ADAMTS18: variants seen among roughly 807,000 people sequenced by gnomAD.
ADAMTS18 encodes the protein A disintegrin and metalloproteinase with thrombospondin motifs 18.
A neutral mutation model predicts 165.9 loss-of-function variants in ADAMTS18; 157 were observed. That is an observed-to-expected ratio of 0.95 (90% confidence interval 0.83 to 1.08). The LOEUF (loss-of-function observed/expected upper bound fraction) is 1.08, where lower values mean the gene tolerates loss of function less well. ADAMTS18 is among the 50% of genes least tolerant of loss of function. The probability of loss-of-function intolerance (pLI) is 0.00; values close to 1 mark genes in which losing one functional copy is unlikely to be tolerated. For missense variants in ADAMTS18, 2,040 were observed against 1,534.0 expected, an observed-to-expected ratio of 1.33 and a Z score of -5.51; for synonymous variants, 782 against 578.2, an observed-to-expected ratio of 1.35 and a Z score of -5.06.
chr16:77,322,532 C>G, intron 13 of ADAMTS18, 66 bp from the exon 14 acceptor site: 2 of 1,566,524 alleles, frequency 1.3e-6, no homozygotes, highest in East Asian at 2.2e-5. Context: ...ATAGGATTGT[C>G]AAAAGAATGA....
intron 10 of ADAMTS18, among the ~76,000 whole-genome samples, chr16:77,348,869 TAAC>T (rs1045526752): frequency 1.1e-4 from 16 of 152,254 alleles, no homozygotes; most frequent in African/African-American, 3.9e-4. Context: ...ATTGAATCTT[TAAC>T]AACAATAAAA....
At chr16:77,377,163 A>C (rs1319642223) in intron 3 of ADAMTS18, among the ~76,000 whole-genome samples, 4 of 152,212 alleles carry the variant, frequency 2.6e-5, no homozygotes, top group Admixed American at 6.5e-5. Context: ...TATAAATCAC[A>C]CTTTATGAAT....
intron 22 of ADAMTS18, 117 bp downstream of exon 22, chr16:77,289,147 G>T (rs368893066): frequency 2.3e-6 from 3 of 1,330,570 alleles, no homozygotes; most frequent in Non-Finnish European, 3.2e-6. Context: ...CATAGACTTC[G>T]GGTGAATGGC....
intron 3 of ADAMTS18, among the ~76,000 whole-genome samples, chr16:77,372,369 G>C (rs1332565634): frequency 2.6e-5 from 4 of 152,218 alleles, no homozygotes; most frequent in Non-Finnish European, 5.9e-5. Flanking sequence ...ATCAGTCTAA[G>C]TGTCTGTCAA....
intron 9 of ADAMTS18, among the ~76,000 whole-genome samples, chr16:77,354,603 G>C (rs1245420013): frequency 6.6e-6 from 1 of 151,488 alleles, no homozygotes; most frequent in Non-Finnish European, 1.5e-5. Flanking sequence ...TAATTTTGTA[G>C]TGAGACAGAT....
intron 21 of ADAMTS18, among the ~76,000 whole-genome samples, chr16:77,289,976 A>C (rs191766859): frequency 2.0e-5 from 3 of 152,342 alleles, no homozygotes; most frequent in Non-Finnish European, 4.4e-5. Flanking sequence ...TTTCTTCCAG[A>C]CAGCCATATG....
chr16:77,385,019 C>T (rs987177345), intron 3 of ADAMTS18, among the ~76,000 whole-genome samples: 5 of 151,976 alleles, frequency 3.3e-5, no homozygotes, highest in Non-Finnish European at 7.4e-5. Flanking sequence ...AAGCATTCTC[C>T]TGCCTCAGCC....
intron 10 of ADAMTS18, among the ~76,000 whole-genome samples, chr16:77,346,602 A>T (rs1276453644): frequency 6.6e-6 from 1 of 152,172 alleles, no homozygotes; most frequent in African/African-American, 2.4e-5. Context: ...TCTCCTCAAC[A>T]TGCTCATGAG....
At chr16:77,400,478 G>GTC (rs1567541748) in intron 3 of ADAMTS18, among the ~76,000 whole-genome samples, 2 of 119,808 alleles carry the variant, frequency 1.7e-5, no homozygotes, top group Non-Finnish European at 3.8e-5. Context: ...GTGTGTGTGT[G>GTC]TGTTTTGTTT....
chr16:77,289,232 G>A, intron 22 of ADAMTS18, 32 bp downstream of exon 22: 2 of 1,613,526 alleles, frequency 1.2e-6, no homozygotes, highest in Middle Eastern at 1.7e-4. Flanking sequence ...CTAAAGACTA[G>A]TAAAGTTGAC....
rs143290988 is a variant in ADAMTS18, at chr16:77,285,242, G to A, written c.3551-1171C>T. Among the ~76,000 whole-genome samples, 232 of 152,186 alleles carry A rather than the reference G, an allele frequency of 1.5e-3. 4 individuals are homozygous for A. The highest frequency in any genetic ancestry group is 5.2e-3 in the African/African-American group (217 of 41,530). On this transcript the variant is annotated intron_variant, in intron 22 of 22. Coordinates refer to ENST00000282849, the MANE Select transcript of ADAMTS18 (RefSeq NM_199355.4). ...GGCTGGAGTGCAATGGTATAATCTC[G>A]GCTCACTGCATCCTCCGCCTCATGT...
intron 13 of ADAMTS18, among the ~76,000 whole-genome samples, chr16:77,323,841 T>C (rs1380557311): frequency 1.3e-5 from 2 of 152,212 alleles, no homozygotes; most frequent in Non-Finnish European, 1.5e-5. Context: ...AGGGAGTCTA[T>C]GTTTGATTCA....
intron 3 of ADAMTS18, among the ~76,000 whole-genome samples, chr16:77,417,550 T>C (rs2057546475): frequency 6.6e-6 from 1 of 152,228 alleles, no homozygotes; most frequent in Admixed American, 6.5e-5. Flanking sequence ...TTAGGTCAGC[T>C]GGTGAGTCTA....
chr16:77,294,578 C>T (rs62044011), intron 19 of ADAMTS18, among the ~76,000 whole-genome samples: 10,629 of 152,220 alleles, frequency 0.07, 527 homozygotes, highest in East Asian at 0.18. Flanking sequence ...AATATCTCTT[C>T]GATGCTTCAT....
At chr16:77,367,164 T>C (rs759003386) in intron 4 of ADAMTS18, among the ~76,000 whole-genome samples, 1 of 152,176 alleles carries the variant, frequency 6.6e-6, no homozygotes, top group Non-Finnish European at 1.5e-5. Context: ...TCTAGGTACT[T>C]TTCTCGGAAG....
chr16:77,367,783 G>T (rs1377611555), intron 3 of ADAMTS18, 60 bp from the exon 4 acceptor site: 2 of 1,607,806 alleles, frequency 1.2e-6, no homozygotes, highest in East Asian at 2.2e-5. Flanking sequence ...GCCAAGGGTT[G>T]GTTTTCAACA....
rs763565905 is a variant in ADAMTS18 at position 77,289,278 on chromosome 16, G to T, written c.3536C>A (p.Ala1179Asp). The change falls in exon 22 of 23, where the codon GCT becomes GAT. Residue 1179 changes from alanine (A) to aspartate (D), a missense_variant. Transcript: ENST00000282849. ...LRACNTNFCP[A>D]PEKREDPSCV... Reference sequence around the variant, plus strand: ...TGCCTTTTTACCTCTCTTTTCAGGAGCTGGACAGAAGTTTGTATTACAGGC... The same window carrying T: ...TGCCTTTTTACCTCTCTTTTCAGGATCTGGACAGAAGTTTGTATTACAGGC... The T allele has an allele frequency of 8.1e-6, 13 of 1,614,038 alleles. No homozygotes were observed. In the African/African-American group the frequency reaches 1.5e-4, roughly 18 times the overall value.
chr16:77,327,395 T>C (rs776926404), intron 12 of ADAMTS18, among the ~76,000 whole-genome samples: 1 of 152,138 alleles, frequency 6.6e-6, no homozygotes, highest in African/African-American at 2.4e-5. Context: ...TGCATCCTCA[T>C]ACCTTAGCTC....
chr16:77,352,281 T>C (rs1288176831), intron 10 of ADAMTS18, among the ~76,000 whole-genome samples: 1 of 130,946 alleles, frequency 7.6e-6, no homozygotes, highest in African/African-American at 2.9e-5. Flanking sequence ...AATAATAATA[T>C]AGAGATAACA....
Sources: allele counts gnomAD v4.1 joint callset (sites outside exome capture counted in the v4.1 genomes callset), GRCh38; gene constraint gnomAD v4.1.1; transcripts MANE v1.5; gene names NCBI Gene and HGNC (gene_info 2026-07-23, HGNC 2026-07-21).